The following CDH19 variants were observed in gnomAD, a reference collection of about 807,000 sequenced individuals.
CDH19 encodes cadherin-19.
In CDH19, 67 loss-of-function variants were observed where a neutral mutation model predicts 64.2. That is an observed-to-expected ratio of 1.04 (90% CI 0.86 to 1.28). The LOEUF (loss-of-function observed/expected upper bound fraction) is 1.28. Ranked by LOEUF, CDH19 falls within the 50% of genes most tolerant of loss-of-function variation. The pLI is 0.00. For synonymous variants in CDH19, 346 were observed against 319.3 expected (o/e 1.08, Z -0.89); for missense variants, 1,030 against 929.0 (o/e 1.11, Z -1.41).
At chr18:66,603,359 G>A (rs1989083959) in intron 1 of CDH19, among the ~76,000 whole-genome samples, 1 of 151,090 alleles carries the variant, frequency 6.6e-6, no homozygotes, top group African/African-American at 2.4e-5. Context: ...TACCTTTTGT[G>A]TTATGTATAA....
intron 5 of CDH19, among the ~76,000 whole-genome samples, chr18:66,548,262 T>TA (rs1197600624): frequency 2.7e-3 from 227 of 84,528 alleles, no homozygotes; most frequent in African/African-American, 0.012. Flanking sequence ...TATATATATA[T>TA]TTTTTTAAAA....
At chr18:66,524,603 T>A (rs1473506077) in intron 9 of CDH19, among the ~76,000 whole-genome samples, 1 of 144,922 alleles carries the variant, frequency 6.9e-6, no homozygotes, top group Non-Finnish European at 1.5e-5. Flanking sequence ...ATGTACTATC[T>A]GTATTTGTTA....
chr18:66,568,300 T>C, intron 3 of CDH19, 116 bp downstream of exon 3: 1 of 737,172 alleles, frequency 1.4e-6, no homozygotes, highest in Non-Finnish European at 2.2e-6. Context: ...TTAAACATAT[T>C]TGTAGAAGGA....
chr18:66,527,755 T>C (rs927292920), intron 9 of CDH19, among the ~76,000 whole-genome samples: 7 of 151,198 alleles, frequency 4.6e-5, no homozygotes, highest in Admixed American at 1.3e-4. Flanking sequence ...GCTCCATCTA[T>C]ATATATATAT....
intron 11 of CDH19, among the ~76,000 whole-genome samples, 155 bp downstream of exon 11, chr18:66,508,840 T>C (rs776225741): frequency 1.3e-5 from 2 of 151,932 alleles, no homozygotes; most frequent in Non-Finnish European, 2.9e-5. Context: ...AGAGGAGCAA[T>C]AAACGTACAC....
At chr18:66,568,295 C>T in intron 3 of CDH19, 121 bp downstream of exon 3, 1 of 702,094 alleles carries the variant, frequency 1.4e-6, no homozygotes, top group South Asian at 2.2e-5. Context: ...TTTACTTAAA[C>T]ATATTTGTAG....
chr18:66,553,476 T>C (rs990896869), intron 4 of CDH19, among the ~76,000 whole-genome samples: 1 of 134,430 alleles, frequency 7.4e-6, no homozygotes, highest in Admixed American at 7.2e-5. Flanking sequence ...CAAGAAACCC[T>C]AATTGAAAAA....
intron 1 of CDH19, among the ~76,000 whole-genome samples, chr18:66,587,440 T>G (rs1988609281): frequency 6.6e-6 from 1 of 152,064 alleles, no homozygotes; most frequent in African/African-American, 2.4e-5. Context: ...CCCTAAATTC[T>G]GAATGACTAA....
chr18:66,569,775 C>G (rs1334285520), intron 2 of CDH19, among the ~76,000 whole-genome samples: 1 of 151,556 alleles, frequency 6.6e-6, no homozygotes, highest in Non-Finnish European at 1.5e-5. Flanking sequence ...TCTTGATTCA[C>G]CATTTATGAA....
chr18:66,543,610 G>A lies in CDH19; in HGVS notation c.1214+361C>T, dbSNP rs542172564. ...TGTTTAAATTTGCACGCAGGCTAGG[G>A]GCGGTGGCTCAAGCCTGTAATGCCA... On this transcript the variant is annotated intron_variant, in intron 7 of 11. Transcript: ENST00000262150. Among the ~76,000 whole-genome samples the A allele has an allele frequency of 4.1e-4, 62 of 152,064 alleles. 2 individuals carry two copies. In the East Asian group the frequency reaches 5.3e-3, roughly 13 times the overall value.
intron 10 of CDH19, 39 bp downstream of exon 10, chr18:66,511,529 A>G: frequency 1.1e-6 from 1 of 876,664 alleles, no homozygotes; most frequent in Non-Finnish European, 1.9e-6. Context: ...CATGAGTCAC[A>G]AAAATGTATC....
intron 8 of CDH19, among the ~76,000 whole-genome samples, chr18:66,532,089 C>G (rs1238338817): frequency 1.3e-5 from 2 of 152,084 alleles, no homozygotes; most frequent in Non-Finnish European, 1.5e-5. Flanking sequence ...GCCTCAGCCT[C>G]CCTAGTAGCT....
At chr18:66,520,668 A>T (rs2144380496) in intron 9 of CDH19, among the ~76,000 whole-genome samples, 1 of 152,212 alleles carries the variant, frequency 6.6e-6, no homozygotes, top group South Asian at 2.1e-4. Context: ...TTATAAAAAA[A>T]GTGAACCAGC....
rs1414018412 is a variant in CDH19 at position 66,503,504 on chromosome 18, C to T, written c.*1308G>A. On this transcript the variant is annotated 3_prime_UTR_variant, in exon 12 of 12. Coordinates refer to ENST00000262150, the MANE Select transcript of CDH19 (RefSeq NM_021153.4). ...TAACTGAAGTTTGAATCCAGTATTC[C>T]TTTAAGTTGTCTAAATAATTTTTAG... 3 of 151,602 alleles carry T rather than the reference C, an allele frequency of 2.0e-5. No individual in the cohort carries two copies. 9.4% of individuals were successfully genotyped at this position (151,602 alleles called of 1,614,324 possible). A position where few individuals can be genotyped will look rare whatever the true frequency, so the allele number is the denominator to read the frequency against.
intron 1 of CDH19, among the ~76,000 whole-genome samples, chr18:66,587,176 A>G (rs1196291989): frequency 6.6e-6 from 1 of 152,150 alleles, no homozygotes; most frequent in Non-Finnish European, 1.5e-5. Flanking sequence ...AGAATCAATA[A>G]TAACATGGAG....
At chr18:66,553,775 T>G (rs1987420010) in intron 4 of CDH19, among the ~76,000 whole-genome samples, 1 of 134,508 alleles carries the variant, frequency 7.4e-6, no homozygotes, top group Non-Finnish European at 1.5e-5. Context: ...TAGGGTCATA[T>G]GATTGTTTAA....
Position 66,507,719 on chromosome 18 carries a change from C to T in CDH19, c.1828+1276G>A, listed in dbSNP as rs1006831209. Among the ~76,000 whole-genome samples the T allele has an allele frequency of 4.0e-5, 6 of 151,864 alleles. No homozygotes were observed. In the South Asian group the frequency reaches 8.3e-4, roughly 21 times the overall value. ...TACTTGGATTTAAAAAAGACGTTCT[C>T]TTATACATTCCTCATTTCTAACATT... On this transcript the variant is annotated intron_variant, in intron 11 of 11. Transcript: ENST00000262150.
intron 1 of CDH19, among the ~76,000 whole-genome samples, chr18:66,581,726 G>A (rs1041766514): frequency 2.0e-5 from 3 of 151,994 alleles, no homozygotes; most frequent in Admixed American, 6.6e-5. Flanking sequence ...TGGCCTCCCC[G>A]CTTTTGAGAC....
chr18:66,535,813 G>T (rs1293749700), intron 7 of CDH19, among the ~76,000 whole-genome samples: 1 of 140,350 alleles, frequency 7.1e-6, no homozygotes, highest in Non-Finnish European at 1.6e-5. Flanking sequence ...TGTAATATAT[G>T]ATACATATGT....
Sources: allele counts gnomAD v4.1 joint callset (sites outside exome capture counted in the v4.1 genomes callset), GRCh38; gene constraint gnomAD v4.1.1; transcripts MANE v1.5; gene names NCBI Gene and HGNC (gene_info 2026-07-23, HGNC 2026-07-21).